The following MAP3K5 variants were observed in gnomAD, a reference collection of about 807,000 sequenced individuals.
The protein encoded by MAP3K5 is ASK-1.
Under a neutral mutation model 158.7 loss-of-function variants are expected in MAP3K5, and 56 were observed. The ratio of observed to expected loss-of-function variants is 0.35; its 90% confidence interval spans 0.28 to 0.44. MAP3K5 has a LOEUF of 0.44. Among genes scored for constraint, MAP3K5 ranks in the 20% least tolerant of loss-of-function variants. MAP3K5 has a pLI of 1.00. For synonymous variants in MAP3K5, 579 were observed against 601.7 expected (o/e 0.96, Z 0.55); for missense variants, 1,294 against 1,674.8 (o/e 0.77, Z 3.97).
At chr6:136,706,021 G>A (rs922818379) in intron 2 of MAP3K5, among the ~76,000 whole-genome samples, 4 of 152,204 alleles carry the variant, frequency 2.6e-5, no homozygotes, top group South Asian at 2.1e-4. Flanking sequence ...ACTTTGGGAG[G>A]TGGAGGCAGG....
At chr6:136,644,582 C>G (rs913431470) in intron 11 of MAP3K5, among the ~76,000 whole-genome samples, 1 of 152,206 alleles carries the variant, frequency 6.6e-6, no homozygotes, top group Admixed American at 6.5e-5. Context: ...CTGAAGGTGG[C>G]AGGAGTTATA....
intron 14 of MAP3K5, among the ~76,000 whole-genome samples, chr6:136,632,656 G>T (rs779310562): frequency 6.6e-6 from 1 of 152,144 alleles, no homozygotes; most frequent in Non-Finnish European, 1.5e-5. Flanking sequence ...CTGAGATCAG[G>T]GGAGTGACCA....
intron 1 of MAP3K5, among the ~76,000 whole-genome samples, chr6:136,762,134 G>T (rs1049594272): frequency 6.6e-6 from 1 of 152,108 alleles, no homozygotes; most frequent in African/African-American, 2.4e-5. Flanking sequence ...TTTTAGCAGA[G>T]AACAACACTG....
At chr6:136,583,260 A>G (rs1774969478) in intron 24 of MAP3K5, among the ~76,000 whole-genome samples, 2 of 152,230 alleles carry the variant, frequency 1.3e-5, no homozygotes, top group South Asian at 2.1e-4. Context: ...AAAGTTGTCA[A>G]AATAAACAAT....
intron 1 of MAP3K5, among the ~76,000 whole-genome samples, chr6:136,755,922 G>A (rs1353142380): frequency 1.3e-5 from 2 of 152,006 alleles, no homozygotes; most frequent in African/African-American, 4.8e-5. Context: ...GTAAGCAAAG[G>A]GGTGTAAGTT....
At chr6:136,557,849 G>C (rs1178962744) in intron 29 of MAP3K5, 31 bp from the exon 30 acceptor site, 11 of 1,460,418 alleles carry the variant, frequency 7.5e-6, no homozygotes, top group Non-Finnish European at 1.1e-5. Flanking sequence ...ATGGTGAAAC[G>C]AACATTTCAT....
At chr6:136,568,342 T>C (rs981965550) in intron 25 of MAP3K5, among the ~76,000 whole-genome samples, 10 of 152,234 alleles carry the variant, frequency 6.6e-5, no homozygotes, top group Non-Finnish European at 1.3e-4. Context: ...ATATGCAGAA[T>C]GCTTTCTGCC....
chr6:136,638,244 A>C (rs1777744384), intron 13 of MAP3K5, among the ~76,000 whole-genome samples: 1 of 152,242 alleles, frequency 6.6e-6, no homozygotes, highest in African/African-American at 2.4e-5. Flanking sequence ...TGTTACAGAC[A>C]TGATTTAAGA....
At chr6:136,744,392 T>TAC (rs1453247983) in intron 1 of MAP3K5, among the ~76,000 whole-genome samples, 1 of 151,730 alleles carries the variant, frequency 6.6e-6, no homozygotes, top group African/African-American at 2.4e-5. Flanking sequence ...TATATATATG[T>TAC]ATATATGAGA....
rs9321567 is a variant in MAP3K5, at chr6:136,705,128, T to G, written c.594A>C (p.Ile198=). ...NSDSLQSLKE[I]ICQKNTMCTG... ...TACTCACAGTATTCTTCTGGCAAAT[T>G]ATTTCCTGAAAAACAAGAAAAAAAA... Residue 198 remains isoleucine (I), a synonymous_variant, in exon 3 of 30, where the codon ATA becomes ATC. Coordinates refer to ENST00000359015, the MANE Select transcript of MAP3K5 (RefSeq NM_005923.4). 550,242 of 1,175,756 alleles carry G rather than the reference T, an allele frequency of 0.47. 135,589 individuals are homozygous for G. The highest frequency in any genetic ancestry group is 0.74 in the African/African-American group (45,190 of 61,230). The allele number at this position is 1,175,756 out of a possible 1,614,324, so 72.8% of individuals were successfully genotyped here. A position where few individuals can be genotyped will look rare whatever the true frequency, so the allele number is the denominator to read the frequency against.
chr6:136,782,127 T>C (rs1784640515), intron 1 of MAP3K5, among the ~76,000 whole-genome samples: 1 of 148,456 alleles, frequency 6.7e-6, no homozygotes, highest in South Asian at 2.1e-4. Context: ...TAAATAGGAG[T>C]AATTAGGCCA....
intron 21 of MAP3K5, chr6:136,593,650 G>A: frequency 2.5e-6 from 1 of 394,378 alleles, no homozygotes; most frequent in South Asian, 1.9e-5. Flanking sequence ...CACTCCTAAT[G>A]AGAGAAACGG....
At chr6:136,592,119 A>T in intron 23 of MAP3K5, 54 bp downstream of exon 23, 1 of 1,475,230 alleles carries the variant, frequency 6.8e-7, no homozygotes, top group Admixed American at 2.3e-5. Context: ...GGCGGTTAGG[A>T]CACAGATAAA....
chr6:136,655,828 T>C (rs1352892187), intron 10 of MAP3K5, among the ~76,000 whole-genome samples: 1 of 152,144 alleles, frequency 6.6e-6, no homozygotes. Context: ...TCCCATGGTC[T>C]AAAACATTGT....
chr6:136,583,433 T>C, intron 24 of MAP3K5, 122 bp downstream of exon 24: 1 of 916,954 alleles, frequency 1.1e-6, no homozygotes, highest in Non-Finnish European at 1.6e-6. Flanking sequence ...TCTCACATTT[T>C]TCATCCAAAA....
chr6:136,729,093 T>C (rs571857482), intron 1 of MAP3K5, among the ~76,000 whole-genome samples: 45 of 152,130 alleles, frequency 3.0e-4, no homozygotes, highest in African/African-American at 9.2e-4. Context: ...CTTTAGAGAA[T>C]GTGAAGGCAG....
chr6:136,783,169 G>T (rs766327813), intron 1 of MAP3K5, among the ~76,000 whole-genome samples: 1 of 151,896 alleles, frequency 6.6e-6, no homozygotes, highest in Admixed American at 6.6e-5. Flanking sequence ...GCCAGGCTTG[G>T]CTGTGCTCAA....
At chr6:136,743,586 A>C (rs1347805320) in intron 1 of MAP3K5, among the ~76,000 whole-genome samples, 1 of 152,246 alleles carries the variant, frequency 6.6e-6, no homozygotes, top group African/African-American at 2.4e-5. Flanking sequence ...TGATAATGGG[A>C]ATGCAAAATG....
rs368923789 is a variant in MAP3K5 at position 136,670,605 on chromosome 6, T to C, written c.1254-1210A>G. ...ACATAGTGATAGGCACAATAGTGTATATTGTAGGCACAATAAATGTATATT... is the reference window on the plus strand; with the variant it reads ...ACATAGTGATAGGCACAATAGTGTACATTGTAGGCACAATAAATGTATATT... On this transcript the variant is annotated intron_variant, in intron 7 of 29. Transcript: ENST00000359015. Among the ~76,000 whole-genome samples the C allele has an allele frequency of 3.3e-5, 5 of 151,880 alleles. No individual in the cohort carries two copies. The South Asian group carries it at 6.2e-4, about 19-fold the overall frequency.
Sources: allele counts gnomAD v4.1 joint callset (sites outside exome capture counted in the v4.1 genomes callset), GRCh38; gene constraint gnomAD v4.1.1; transcripts MANE v1.5; gene names NCBI Gene and HGNC (gene_info 2026-07-23, HGNC 2026-07-21).